The following SGK1 variants were observed in gnomAD, a reference collection of about 807,000 sequenced individuals.
SGK1 encodes the protein serine/threonine-protein kinase Sgk1.
In SGK1, 26 loss-of-function variants were observed where a neutral mutation model predicts 64.2. That is an observed-to-expected ratio of 0.40 (90% CI 0.30 to 0.56). The LOEUF (loss-of-function observed/expected upper bound fraction) is 0.56. Ranked by LOEUF, SGK1 falls within the 20% of genes least tolerant of loss-of-function variation. The probability of loss-of-function intolerance (pLI) is 0.38; values close to 1 mark genes in which losing one functional copy is unlikely to be tolerated. For missense variants in SGK1, 519 were observed against 645.6 expected (o/e 0.80, Z 2.12); for synonymous variants, 265 against 239.7 (o/e 1.11, Z -0.98).
chr6:134,233,886 A>T (rs1334324690), intron 2 of SGK1, among the ~76,000 whole-genome samples: 1 of 152,116 alleles, frequency 6.6e-6, no homozygotes. Context: ...GAGGAAAAAT[A>T]TTAGAAAAAA....
chr6:134,284,614 A>T (rs1777153807), intron 1 of SGK1, among the ~76,000 whole-genome samples: 1 of 151,658 alleles, frequency 6.6e-6, no homozygotes, highest in Non-Finnish European at 1.5e-5. Flanking sequence ...CCTCCTAAGT[A>T]GCTGGGACTA....
At chr6:134,313,773 T>C (rs1302755978) in intron 1 of SGK1, among the ~76,000 whole-genome samples, 1 of 152,174 alleles carries the variant, frequency 6.6e-6, no homozygotes, top group African/African-American at 2.4e-5. Context: ...CTATGGAAGT[T>C]TTTTTCACAT....
intron 1 of SGK1, among the ~76,000 whole-genome samples, chr6:134,299,025 T>A (rs1163182813): frequency 6.6e-6 from 1 of 151,774 alleles, no homozygotes; most frequent in Non-Finnish European, 1.5e-5. Context: ...GGTCTCAATC[T>A]CCTGACCTCG....
chr6:134,256,670 T>G (rs1776688971), intron 2 of SGK1, among the ~76,000 whole-genome samples: 1 of 152,204 alleles, frequency 6.6e-6, no homozygotes, highest in Non-Finnish European at 1.5e-5. Flanking sequence ...GGCTGAATAC[T>G]ACAACATGTG....
intron 3 of SGK1, among the ~76,000 whole-genome samples, chr6:134,207,007 C>T (rs1562250806): frequency 6.6e-6 from 1 of 152,004 alleles, no homozygotes; most frequent in Non-Finnish European, 1.5e-5. Flanking sequence ...GGGCGAATCA[C>T]AAGGTCAGGA....
intron 2 of SGK1, among the ~76,000 whole-genome samples, chr6:134,250,901 G>C (rs1299015688): frequency 6.6e-6 from 1 of 152,000 alleles, no homozygotes; most frequent in Non-Finnish European, 1.5e-5. Context: ...CTCTCAGGTA[G>C]CTGGGACTAT....
At chr6:134,263,751 A>G (rs1219434122) in intron 1 of SGK1, among the ~76,000 whole-genome samples, 2 of 152,242 alleles carry the variant, frequency 1.3e-5, no homozygotes, top group South Asian at 4.1e-4. Flanking sequence ...TTTGATGTGT[A>G]TAGTTTTTAA....
intron 1 of SGK1, among the ~76,000 whole-genome samples, chr6:134,292,221 A>T (rs1254800400): frequency 1.3e-5 from 2 of 152,338 alleles, no homozygotes; most frequent in East Asian, 3.9e-4. Context: ...ACAGATGAGG[A>T]AAGTGACACC....
At chr6:134,223,725 T>A (rs1776126729) in intron 2 of SGK1, among the ~76,000 whole-genome samples, 1 of 152,262 alleles carries the variant, frequency 6.6e-6, no homozygotes, top group Non-Finnish European at 1.5e-5. Context: ...ATATTCAATC[T>A]TCCATTAACA....
chr6:134,172,725 C>G lies in SGK1; in HGVS notation c.884G>C (p.Arg295Pro). The change falls in exon 9 of 14, where the codon CGT (arginine) becomes CCT (proline). Residue 295 changes from arginine (R) to proline (P), a missense_variant. Coordinates refer to ENST00000367858, the MANE Select transcript of SGK1 (RefSeq NM_001143676.3). Reference sequence around the variant, plus strand: ...ACTGGCTATTTCAGCAGCATAGAAACGAGCCCGTGGTTCCAGGAAGCAGCG... The same window carrying G: ...ACTGGCTATTTCAGCAGCATAGAAAGGAGCCCGTGGTTCCAGGAAGCAGCG... The part of the protein sequence containing the change: ...RERCFLEPRA[R>P]FYAAEIASAL... The G allele has an allele frequency of 6.2e-7, 1 of 1,614,110 alleles. No homozygotes were observed. Among genetic ancestry groups the G allele is most frequent in the Non-Finnish European group, 8.5e-7 (1 of 1,179,982 alleles).
intron 3 of SGK1, among the ~76,000 whole-genome samples, chr6:134,204,925 T>C (rs1035651389): frequency 6.8e-6 from 1 of 146,362 alleles, no homozygotes; most frequent in Non-Finnish European, 1.5e-5. Flanking sequence ...CTTTTCTTTC[T>C]TCCTTCCTTC....
At chr6:134,316,880 A>G (rs1410725014) in intron 1 of SGK1, among the ~76,000 whole-genome samples, 1 of 151,848 alleles carries the variant, frequency 6.6e-6, no homozygotes, top group Non-Finnish European at 1.5e-5. Flanking sequence ...TTTGCTATTT[A>G]TACCACAGAT....
chr6:134,255,193 T>A (rs1432596752), intron 2 of SGK1, among the ~76,000 whole-genome samples: 1 of 152,130 alleles, frequency 6.6e-6, no homozygotes, highest in Non-Finnish European at 1.5e-5. Flanking sequence ...TTTTAATCAC[T>A]GTATAGTGTT....
intron 3 of SGK1, chr6:134,175,945 G>A: frequency 9.2e-7 from 1 of 1,092,512 alleles, no homozygotes; most frequent in Non-Finnish European, 1.1e-6. Context: ...AGGGGAGGGG[G>A]CGGAAATAAA....
intron 3 of SGK1, among the ~76,000 whole-genome samples, chr6:134,196,076 T>C (rs1428349599): frequency 6.6e-6 from 1 of 152,224 alleles, no homozygotes; most frequent in East Asian, 1.9e-4. Flanking sequence ...TACTGCATTA[T>C]CTTTTTTAAT....
At chr6:134,299,967 G>A (rs1002973784) in intron 1 of SGK1, among the ~76,000 whole-genome samples, 5 of 151,512 alleles carry the variant, frequency 3.3e-5, no homozygotes, top group East Asian at 1.9e-4. Flanking sequence ...AAGAGAGAGA[G>A]AAAAAAAACA....
At chr6:134,315,926 C>T (rs560204349) in intron 1 of SGK1, among the ~76,000 whole-genome samples, 2 of 152,196 alleles carry the variant, frequency 1.3e-5, no homozygotes, top group East Asian at 3.9e-4. Flanking sequence ...GGGCTCTTCC[C>T]TTGGAAAGAA....
At chr6:134,310,103 G>C (rs1269275993) in intron 1 of SGK1, among the ~76,000 whole-genome samples, 3 of 149,334 alleles carry the variant, frequency 2.0e-5, no homozygotes, top group African/African-American at 7.4e-5. Context: ...CCCTCATTTT[G>C]GTTTTGCTTT....
At chr6:134,307,401 C>T (rs560434994) in intron 1 of SGK1, among the ~76,000 whole-genome samples, 72 of 152,032 alleles carry the variant, frequency 4.7e-4, no homozygotes, top group South Asian at 2.1e-4. Context: ...ATTATATTGA[C>T]GTTCGTTGTA....
Sources: allele counts gnomAD v4.1 joint callset (sites outside exome capture counted in the v4.1 genomes callset), GRCh38; gene constraint gnomAD v4.1.1; transcripts MANE v1.5; gene names NCBI Gene and HGNC (gene_info 2026-07-23, HGNC 2026-07-21).